The following STRADA variants were observed in gnomAD, a reference collection of about 807,000 sequenced individuals.
STRADA encodes STE20 related adaptor alpha, also known as STE20-related kinase adapter protein alpha.
STRADA carries 26 observed loss-of-function variants against 55.0 expected under a neutral mutation model. The ratio of observed to expected loss-of-function variants is 0.47; its 90% CI spans 0.35 to 0.66. STRADA has a LOEUF of 0.66. Ranked by LOEUF, STRADA falls within the 30% of genes least tolerant of loss-of-function variation. The pLI, the probability that STRADA is intolerant of heterozygous loss-of-function variation, is 0.01. For synonymous variants in STRADA, 197 were observed against 210.9 expected, an observed-to-expected ratio of 0.93 and a Z score of 0.57; for missense variants, 443 against 549.7, an observed-to-expected ratio of 0.81 and a Z score of 1.94.
At chr17:63,738,169 C>T (rs1458448330) in intron 1 of STRADA, among the ~76,000 whole-genome samples, 4 of 151,304 alleles carry the variant, frequency 2.6e-5, no homozygotes, top group East Asian at 3.9e-4. Flanking sequence ...AGTGAAACGC[C>T]GTCTCTACTA....
chr17:63,708,734 G>A (rs983761798), intron 8 of STRADA, among the ~76,000 whole-genome samples: 4 of 149,360 alleles, frequency 2.7e-5, no homozygotes, highest in Non-Finnish European at 3.0e-5. Context: ...AGGGTTTTGC[G>A]ATGTTGGCCA....
chr17:63,739,099 C>A (rs1391898785), intron 1 of STRADA, among the ~76,000 whole-genome samples: 2 of 138,318 alleles, frequency 1.4e-5, no homozygotes, highest in African/African-American at 5.6e-5. Context: ...CAAGACCGTG[C>A]CACTGCACTC....
In STRADA at chr17:63,714,118, AAAAAG is replaced by A; in HGVS notation, c.124-15_124-11del. On this transcript the variant is annotated splice_polypyrimidine_tract_variant and intron_variant, in intron 4 of 12. Coordinates refer to ENST00000336174, the MANE Select transcript of STRADA (RefSeq NM_001003787.4). ...AGCTCGCATCATTGGTCTAAAAAAG[AAAAAG>A]AAAAATAGGTTAGTAGAGAAAACTG... 2 of 1,612,220 alleles carry A rather than the reference AAAAAG, an allele frequency of 1.2e-6. No homozygotes were observed. The highest frequency in any genetic ancestry group is 1.7e-6 in the Non-Finnish European group (2 of 1,178,514).
At chr17:63,707,465 G>C (rs1374083509) in intron 8 of STRADA, 47 bp from the exon 9 acceptor site, 7 of 1,599,740 alleles carry the variant, frequency 4.4e-6, no homozygotes, top group Non-Finnish European at 6.0e-6. Flanking sequence ...AGCCCCTCCT[G>C]CTACAAATTT....
In STRADA at chr17:63,706,757, G is replaced by T. The variant is rs777719603; in HGVS notation, c.754-18C>A. ...TGGAGATTCTAAGCCAGAAAAAAAA[G>T]GCCACAGATTACCCCATTTGGTCTT... On this transcript the variant is annotated intron_variant, in intron 9 of 12. Transcript: ENST00000336174. 1 of 1,584,590 alleles carries T rather than the reference G, an allele frequency of 6.3e-7. No homozygotes were observed.
At chr17:63,738,945 A>C (rs1420894821) in intron 1 of STRADA, among the ~76,000 whole-genome samples, 2 of 151,906 alleles carry the variant, frequency 1.3e-5, no homozygotes, top group Non-Finnish European at 2.9e-5. Context: ...AGGTCAGGAG[A>C]TCGAGACCAT....
intron 4 of STRADA, chr17:63,714,404 A>C: frequency 5.6e-6 from 2 of 354,284 alleles, no homozygotes; most frequent in South Asian, 4.5e-5. Context: ...AAAGCTATGA[A>C]ATTCTCACTT....
chr17:63,712,826 C>A (rs928054848), intron 6 of STRADA, among the ~76,000 whole-genome samples: 1 of 151,664 alleles, frequency 6.6e-6, no homozygotes, highest in Non-Finnish European at 1.5e-5. Flanking sequence ...CATGAAGAAA[C>A]CCCGTCTTTT....
chr17:63,713,969 CAG>C, intron 5 of STRADA, 35 bp downstream of exon 5: 1 of 1,557,412 alleles, frequency 6.4e-7, no homozygotes, highest in Non-Finnish European at 8.9e-7. Flanking sequence ...GCCCCTGGAG[CAG>C]AAAGCAGGAG....
intron 1 of STRADA, among the ~76,000 whole-genome samples, chr17:63,740,521 T>A (rs975825556): frequency 1.3e-5 from 2 of 151,780 alleles, no homozygotes; most frequent in South Asian, 2.1e-4. Context: ...TCAAAAAAAT[T>A]AAAATAAAAA....
chr17:63,711,966 C>T (rs1317926735), intron 6 of STRADA, among the ~76,000 whole-genome samples: 1 of 151,942 alleles, frequency 6.6e-6, no homozygotes, highest in Non-Finnish European at 1.5e-5. Context: ...AAAGAAAACA[C>T]AGTTGATGGA....
intron 3 of STRADA, among the ~76,000 whole-genome samples, chr17:63,724,921 G>A (rs2037541847): frequency 6.6e-6 from 1 of 152,016 alleles, no homozygotes; most frequent in South Asian, 2.1e-4. Context: ...GATATCACTA[G>A]TCCAGAAATT....
At chr17:63,735,017 T>C (rs960478862) in intron 1 of STRADA, among the ~76,000 whole-genome samples, 2 of 152,038 alleles carry the variant, frequency 1.3e-5, no homozygotes, top group African/African-American at 4.8e-5. Flanking sequence ...AAATTAGGCA[T>C]GGTGGCGGGC....
At chr17:63,703,778 C>A in intron 12 of STRADA, 27 bp from the exon 13 acceptor site, 1 of 1,612,054 alleles carries the variant, frequency 6.2e-7, no homozygotes. Flanking sequence ...AGGTGGGTGA[C>A]AGATCCTGTT....
At chr17:63,740,151 C>CACACATATATATAT (rs2038826919) in intron 1 of STRADA, among the ~76,000 whole-genome samples, 1 of 79,684 alleles carries the variant, frequency 1.3e-5, no homozygotes, top group African/African-American at 5.5e-5. Flanking sequence ...TATATATACA[C>CACACATATATATAT]ACACACACAC....
intron 4 of STRADA, among the ~76,000 whole-genome samples, chr17:63,719,942 C>T (rs1169761213): frequency 6.6e-6 from 1 of 152,072 alleles, no homozygotes; most frequent in African/African-American, 2.4e-5. Context: ...AGTAACTTGA[C>T]AATATTTATT....
chr17:63,739,395 T>A (rs2038698040), intron 1 of STRADA, among the ~76,000 whole-genome samples: 1 of 152,058 alleles, frequency 6.6e-6, no homozygotes, highest in South Asian at 2.1e-4. Flanking sequence ...ACAGATGAAC[T>A]TGCCCAGGCT....
chr17:63,710,221 T>C, intron 8 of STRADA: 1 of 325,356 alleles, frequency 3.1e-6, no homozygotes, highest in Non-Finnish European at 5.8e-6. Flanking sequence ...GTATTTTTAG[T>C]AGAGACAGGG....
At chr17:63,711,254 CA>C (rs2036478279) in intron 6 of STRADA, among the ~76,000 whole-genome samples, 1 of 152,202 alleles carries the variant, frequency 6.6e-6, no homozygotes. Flanking sequence ...AGGCTGGTCT[CA>C]AACTCCTGGG....
Sources: gnomAD v4.1 joint callset for allele counts (sites outside exome capture counted in the v4.1 genomes callset) on GRCh38, gnomAD v4.1.1 for gene constraint, MANE v1.5 for transcripts, NCBI Gene and HGNC (gene_info 2026-07-23, HGNC 2026-07-21) for gene names.